Variants in LARS1 observed in about 807,000 individuals in gnomAD.
The protein encoded by LARS1 is leucyl-tRNA synthetase 1.
LARS1 carries 100 observed loss-of-function variants against 162.8 expected under a neutral mutation model. The ratio of observed to expected loss-of-function variants is 0.61; its 90% CI spans 0.52 to 0.73. The LOEUF is 0.73. Ranked by LOEUF, LARS1 falls within the 30% of genes least tolerant of loss-of-function variation. The pLI is 0.00. For synonymous variants in LARS1, 457 were observed against 462.8 expected (o/e 0.99, Z 0.16); for missense variants, 1,258 against 1,408.9 (o/e 0.89, Z 1.71).
At chr5:146,162,123 C>T (rs1039800321) in intron 6 of LARS1, among the ~76,000 whole-genome samples, 1 of 152,190 alleles carries the variant, frequency 6.6e-6, no homozygotes, top group Non-Finnish European at 1.5e-5. Context: ...GATATTTTGA[C>T]CTCTTCCCAT....
At chr5:146,154,063 C>G (rs1188053269) in intron 10 of LARS1, 83 bp from the exon 11 acceptor site, 1 of 941,438 alleles carries the variant, frequency 1.1e-6, no homozygotes, top group African/African-American at 1.7e-5. Flanking sequence ...ATTTTAAGCC[C>G]TGAGAAGCTA....
chr5:146,162,006 T>C, intron 6 of LARS1, among the ~76,000 whole-genome samples: 1 of 152,210 alleles, frequency 6.6e-6, no homozygotes, highest in Middle Eastern at 3.2e-3. Flanking sequence ...TCTAGTTCTC[T>C]TGCAATTTCT....
intron 5 of LARS1, among the ~76,000 whole-genome samples, chr5:146,167,141 C>T (rs922548424): frequency 2.0e-5 from 3 of 152,106 alleles, no homozygotes; most frequent in Admixed American, 1.3e-4. Context: ...ATTAAGGAAA[C>T]ATAGTAAGGA....
intron 20 of LARS1, among the ~76,000 whole-genome samples, chr5:146,140,818 T>C (rs1752740736): frequency 6.6e-6 from 1 of 151,920 alleles, no homozygotes; most frequent in Non-Finnish European, 1.5e-5. Flanking sequence ...AAAATGTATA[T>C]ATACACACAC....
At chr5:146,124,848 T>A (rs532691647) in intron 28 of LARS1, among the ~76,000 whole-genome samples, 10 of 152,032 alleles carry the variant, frequency 6.6e-5, no homozygotes, top group African/African-American at 2.4e-4. Flanking sequence ...CCCAGATGTA[T>A]TAATCCCTTC....
chr5:146,156,846 A>T (rs1047978411), intron 10 of LARS1, among the ~76,000 whole-genome samples: 10 of 151,892 alleles, frequency 6.6e-5, no homozygotes, highest in Non-Finnish European at 1.5e-4. Flanking sequence ...TAGTATTTTT[A>T]AAATAATATA....
intron 14 of LARS1, 53 bp from the exon 15 acceptor site, chr5:146,149,752 T>C (rs1753190011): frequency 7.7e-7 from 1 of 1,297,420 alleles, no homozygotes; most frequent in Non-Finnish European, 1.1e-6. Flanking sequence ...AGAATCTGCC[T>C]TGAGTTTCTT....
Position 146,140,490 on chromosome 5 carries a change from G to A in LARS1, c.2091-229C>T, listed in dbSNP as rs578147901. ...CGTAACTACTTAGGTGGGGCTACAC[G>A]TATGGATATAAAAAGATCTTAAAAA... is the stretch of plus-strand genomic sequence containing the variant. On this transcript the variant is annotated intron_variant, in intron 20 of 31. Transcript: ENST00000394434. Among the ~76,000 whole-genome samples, 3 of 152,286 alleles carry A rather than the reference G, an allele frequency of 2.0e-5. No homozygotes were observed. The South Asian group carries it at 6.2e-4, about 32-fold the overall frequency.
At chr5:146,124,123 G>T in intron 28 of LARS1, 37 bp from the exon 29 acceptor site, 2 of 1,184,496 alleles carry the variant, frequency 1.7e-6, no homozygotes, top group Non-Finnish European at 2.5e-6. Context: ...CAAAATCACA[G>T]TAAGAATATG....
At chr5:146,161,106 T>C (rs1157509247) in intron 6 of LARS1, among the ~76,000 whole-genome samples, 1 of 152,240 alleles carries the variant, frequency 6.6e-6, no homozygotes, top group African/African-American at 2.4e-5. Flanking sequence ...ATGTTTATAC[T>C]ATATTGAATT....
chr5:146,148,520 T>C (rs961666995), intron 15 of LARS1, among the ~76,000 whole-genome samples: 1 of 152,260 alleles, frequency 6.6e-6, no homozygotes, highest in East Asian at 1.9e-4. Flanking sequence ...TGAAAAATTA[T>C]TGTATTATGG....
At chr5:146,151,809 A>G in intron 14 of LARS1, 53 bp downstream of exon 14, 1 of 1,493,040 alleles carries the variant, frequency 6.7e-7, no homozygotes, top group Non-Finnish European at 9.1e-7. Context: ...TAATTAAGAA[A>G]ATCACAGAGC....
chr5:146,115,285 C>A (rs1469031567), intron 31 of LARS1, among the ~76,000 whole-genome samples: 1 of 151,740 alleles, frequency 6.6e-6, no homozygotes, highest in African/African-American at 2.4e-5. Context: ...TAAAACTTAC[C>A]CCTTTCTTGA....
intron 4 of LARS1, 103 bp from the exon 5 acceptor site, chr5:146,168,368 G>T: frequency 8.0e-7 from 1 of 1,252,678 alleles, no homozygotes; most frequent in Non-Finnish European, 1.1e-6. Flanking sequence ...GAAATTTTTT[G>T]CAATATATTG....
intron 23 of LARS1, chr5:146,132,695 G>A (rs947071359): frequency 2.8e-5 from 12 of 428,444 alleles, no homozygotes; most frequent in Admixed American, 7.9e-5. Context: ...ATTAAATAAG[G>A]TTGCTTTGAG....
At chr5:146,177,367 G>A (rs913306846) in intron 2 of LARS1, among the ~76,000 whole-genome samples, 180 bp downstream of exon 2, 1 of 150,500 alleles carries the variant, frequency 6.6e-6, no homozygotes. Flanking sequence ...TCGGGAGGCT[G>A]AGGCAGGAGA....
Position 146,177,576 on chromosome 5 carries a change from G to C in LARS1, c.96C>G (p.Val32=). Residue 32 remains valine (V), a synonymous_variant, in exon 2 of 32, where the codon GTC becomes GTG. Transcript: ENST00000394434. ...TCTGTTTCTCTAAATTAGATGCATT[G>C]ACCTCAAACACTCTCTCAGTATCCC... ...QKWDTERVFE[V]NASNLEKQTS... 1 of 1,578,380 alleles carries C rather than the reference G, an allele frequency of 6.3e-7. No individual in the cohort carries two copies. The highest frequency in any genetic ancestry group is 1.4e-5 in the African/African-American group (1 of 72,646).
intron 18 of LARS1, 89 bp from the exon 19 acceptor site, chr5:146,143,639 A>C (rs1752886505): frequency 2.4e-5 from 28 of 1,163,162 alleles, no homozygotes; most frequent in Non-Finnish European, 3.2e-5. Flanking sequence ...TAACATTTAC[A>C]AAGCTACTTA....
chr5:146,160,764 C>G (rs1490806463), intron 6 of LARS1, among the ~76,000 whole-genome samples: 2 of 152,094 alleles, frequency 1.3e-5, no homozygotes, highest in Non-Finnish European at 2.9e-5. Flanking sequence ...CCTAAATATT[C>G]AAGTTAAACT....
Sources: gnomAD v4.1 joint callset for allele counts (sites outside exome capture counted in the v4.1 genomes callset) on GRCh38, gnomAD v4.1.1 for gene constraint, MANE v1.5 for transcripts, NCBI Gene and HGNC (gene_info 2026-07-23, HGNC 2026-07-21) for gene names.